The following IST1 variants were observed in gnomAD, a reference collection of about 807,000 sequenced individuals.
IST1 encodes IST1 homolog.
In IST1, 23 loss-of-function variants were observed where a neutral mutation model predicts 37.0. That is an observed-to-expected ratio of 0.62 (90% CI 0.45 to 0.88). The LOEUF (loss-of-function observed/expected upper bound fraction) is 0.88, where lower values mean the gene tolerates loss of function less well. IST1 is among the 40% of genes least tolerant of loss of function. The pLI is 0.00. For synonymous variants in IST1, 180 were observed against 161.7 expected, an observed-to-expected ratio of 1.11 and a Z score of -0.86; for missense variants, 488 against 445.4, an observed-to-expected ratio of 1.10 and a Z score of -0.86.
intron 1 of IST1, among the ~76,000 whole-genome samples, chr16:71,899,691 C>T (rs2037058401): frequency 6.6e-6 from 1 of 151,732 alleles, no homozygotes; most frequent in Non-Finnish European, 1.5e-5. Context: ...GCCTAGCCAA[C>T]ATGGTGAAAC....
rs1597262688 is a variant in IST1, at chr16:71,928,126, G to C, written c.*313G>C. 2.8e-6 allele frequency: 1 copy of C among 360,866 alleles called. No homozygotes were observed. The highest frequency in any genetic ancestry group is 5.3e-6 in the Non-Finnish European group (1 of 189,780). 22.4% of individuals were successfully genotyped at this position (360,866 alleles called of 1,614,324 possible). The stretch of plus-strand genomic sequence containing the variant: ...CCTCCACAGGAGTGTGAGAGGATGG[G>C]GGAAGCACTGTGGGAAGACCACCAA... On this transcript the variant is annotated 3_prime_UTR_variant, in exon 10 of 10. Transcript: ENST00000378799.
intron 4 of IST1, among the ~76,000 whole-genome samples, chr16:71,920,110 A>C (rs2037546944): frequency 6.6e-6 from 1 of 152,194 alleles, no homozygotes; most frequent in Admixed American, 6.5e-5. Flanking sequence ...AGGTTTTAAA[A>C]GTTTTTAAAA....
At chr16:71,920,649 A>G (rs1453795181) in intron 4 of IST1, 90 bp from the exon 5 acceptor site, 4 of 845,530 alleles carry the variant, frequency 4.7e-6, no homozygotes, top group Middle Eastern at 2.9e-4. Context: ...AAATCTTGTA[A>G]TAGACGCGTG....
Position 71,927,951 on chromosome 16 carries a change from G to A in IST1, c.*138G>A, listed in dbSNP as rs777562414. On this transcript the variant is annotated 3_prime_UTR_variant, in exon 10 of 10. Transcript: ENST00000378799. ...AACACTCCCTCTGGGCTCTCTTCCT[G>A]CTCCTCCAGATTCTGCTGCTTTCCA... is the stretch of plus-strand genomic sequence containing the variant. The A allele has an allele frequency of 2.8e-5, 18 of 653,922 alleles. No homozygotes were observed. Among genetic ancestry groups the A allele is most frequent in the Middle Eastern group, 2.6e-4 (1 of 3,912 alleles). 40.5% of individuals were successfully genotyped at this position (653,922 alleles called of 1,614,324 possible). A position where few individuals can be genotyped will look rare whatever the true frequency, so the allele number is the denominator to read the frequency against.
intron 1 of IST1, among the ~76,000 whole-genome samples, chr16:71,907,466 A>G (rs2037251131): frequency 1.3e-5 from 2 of 151,794 alleles, no homozygotes; most frequent in South Asian, 2.1e-4. Flanking sequence ...TTTAGTAGAG[A>G]CGGGGTTTCA....
rs773664189 is a variant in IST1 at position 71,923,351 on chromosome 16, A to G, written c.823A>G (p.Ile275Val). 1.1e-5 allele frequency: 17 copies of G among 1,611,374 alleles called. No individual in the cohort carries two copies. The highest frequency in any genetic ancestry group is 1.4e-5 in the Non-Finnish European group (17 of 1,177,704). Residue 275 changes from isoleucine to valine, a missense_variant, in exon 8 of 10, where the codon ATA becomes GTA. Physicochemically the swap from Ile to Val is conservative, Grantham distance 29. Around this residue, in one of 2 missense-constraint regions of IST1, gnomAD observed 455 missense variants for 386.2 expected, o/e 1.18. Coordinates refer to ENST00000378799, the MANE Select transcript of IST1 (RefSeq NM_001270975.2). ...QAFPNIHPPQIPATPPSYESV... is the reference protein window; with the variant it reads ...QAFPNIHPPQVPATPPSYESV... ...CTTTCCCAATATTCATCCACCTCAG[A>G]TACCAGCAACTCCCCCATCGTATGA...
intron 1 of IST1, 119 bp from the exon 2 acceptor site, chr16:71,915,507 T>G: frequency 3.1e-6 from 2 of 637,496 alleles, no homozygotes; most frequent in Non-Finnish European, 5.4e-6. Flanking sequence ...TTAGATCATG[T>G]CATTTTCCTG....
At chr16:71,918,331 C>T (rs1438107516) in intron 4 of IST1, among the ~76,000 whole-genome samples, 1 of 151,676 alleles carries the variant, frequency 6.6e-6, no homozygotes, top group Non-Finnish European at 1.5e-5. Flanking sequence ...AATAAACTTC[C>T]AATAGTCCAA....
upstream of IST1, chr16:71,895,159 G>A (rs1011817143): frequency 1.5e-5 from 4 of 262,148 alleles, no homozygotes; most frequent in Non-Finnish European, 2.2e-5. Flanking sequence ...CGGCGTCAGA[G>A]AGGCGGTACT....
At chr16:71,924,921 C>T (rs2037702225) in intron 9 of IST1, 104 bp downstream of exon 9, 1 of 776,916 alleles carries the variant, frequency 1.3e-6, no homozygotes, top group Non-Finnish European at 2.3e-6. Context: ...CCATGGACTT[C>T]TATCTGCATG....
In IST1 at chr16:71,928,537, CTGTTTTCCCTGTAGCATATTG is replaced by C. The variant is rs2037808481; in HGVS notation, c.*729_*749del. On this transcript the variant is annotated 3_prime_UTR_variant, in exon 10 of 10. Transcript: ENST00000378799. Reference sequence around the variant, plus strand: ...ACCAGAGGGCGGCACCGTGGAAATTCTGTTTTCCCTGTAGCATATTGTGTTGGATTGCATTACTGGCAGAGA... The same window carrying C: ...ACCAGAGGGCGGCACCGTGGAAATTCTGTTGGATTGCATTACTGGCAGAGA... 6.6e-6 allele frequency: 1 copy of C among 152,650 alleles called. No individual in the cohort carries two copies. The highest frequency in any genetic ancestry group is 2.1e-4 in the South Asian group (1 of 4,828). 9.5% of individuals were successfully genotyped at this position (152,650 alleles called of 1,614,324 possible).
intron 3 of IST1, 23 bp downstream of exon 3, chr16:71,916,665 C>T: frequency 1.3e-6 from 2 of 1,585,280 alleles, no homozygotes; most frequent in Non-Finnish European, 8.6e-7. Flanking sequence ...GATTCAGAGA[C>T]CTAAATCATT....
intron 1 of IST1, among the ~76,000 whole-genome samples, chr16:71,912,402 T>C (rs932135011): frequency 6.6e-6 from 1 of 152,158 alleles, no homozygotes. Context: ...CATGCCTGGC[T>C]AATTTTTTGT....
chr16:71,904,351 GACCTAAGTGATCC>G (rs1340614525), intron 1 of IST1, among the ~76,000 whole-genome samples: 1 of 152,162 alleles, frequency 6.6e-6, no homozygotes, highest in African/African-American at 2.4e-5. Context: ...TCGAACTCCT[GACCTAAGTGATCC>G]ACCTGCCTCG....
rs2037783994 is a variant in IST1 at position 71,927,758 on chromosome 16, A to C, written c.1046A>C (p.Asp349Ala). The C allele has an allele frequency of 6.2e-7, 1 of 1,614,056 alleles. No homozygotes were observed. The highest frequency in any genetic ancestry group is 1.7e-5 in the Admixed American group (1 of 60,010). Residue 349 changes from aspartate (D) to alanine (A), a missense_variant, in exon 10 of 10, where the codon GAC (aspartate) becomes GCC (alanine). Transcript: ENST00000378799. The stretch of plus-strand genomic sequence containing the variant: ...GGTGCCAGCACCTCAGCATCTGAAG[A>C]CATTGACTTTGATGATCTTTCCCGG... The part of the protein sequence containing the change: ...SAGASTSASE[D>A]IDFDDLSRRF...
At position 71,917,029 on chromosome 16, in the gene IST1, A is replaced by T. The variant is rs1047683672; in HGVS notation, c.270-18A>T. 1 of 1,543,512 alleles carries T rather than the reference A, an allele frequency of 6.5e-7. No individual in the cohort carries two copies. The highest frequency in any genetic ancestry group is 2.2e-5 in the East Asian group (1 of 44,518). Reference sequence around the variant, plus strand: ...GTTTGTTTTAAAGAATGTTATATTAATTTTTTTCCTTGATTAGGGAACTAG... The same window carrying T: ...GTTTGTTTTAAAGAATGTTATATTATTTTTTTTCCTTGATTAGGGAACTAG... On this transcript the variant is annotated intron_variant, in intron 3 of 9. Transcript: ENST00000378799.
chr16:71,924,807 A>G lies in IST1; in HGVS notation c.891A>G (p.Ala297=), dbSNP rs760867391. ...ATGCTGATAAGAATATCTCTTCTGC[A>G]CAGATTGTTGGTGAGTAGTATCAAT... ...DINADKNISS[A]QIVGPGPKPE... The change falls in exon 9 of 10, where the codon GCA becomes GCG. Residue 297 remains alanine, a synonymous_variant. Transcript: ENST00000378799. The G allele has an allele frequency of 2.1e-5, 34 of 1,608,368 alleles. No homozygotes were observed. The highest frequency in any genetic ancestry group is 2.8e-5 in the Non-Finnish European group (33 of 1,174,730).
chr16:71,919,680 C>G (rs551980521), intron 4 of IST1, among the ~76,000 whole-genome samples: 1 of 152,206 alleles, frequency 6.6e-6, no homozygotes, highest in Admixed American at 6.5e-5. Flanking sequence ...GCATGAGCCA[C>G]GATGCCTGGC....
At chr16:71,909,257 A>T (rs1013735675) in intron 1 of IST1, among the ~76,000 whole-genome samples, 2 of 151,224 alleles carry the variant, frequency 1.3e-5, no homozygotes, top group African/African-American at 4.9e-5. Flanking sequence ...ACAGGCGTGC[A>T]CCCCCACAGC....
Sources: allele counts gnomAD v4.1 joint callset (sites outside exome capture counted in the v4.1 genomes callset), GRCh38; gene constraint gnomAD v4.1.1; regional missense constraint gnomAD v4.1.1; transcripts MANE v1.5; gene names NCBI Gene and HGNC (gene_info 2026-07-23, HGNC 2026-07-21).